The following CFAP77 variants were observed in gnomAD, a reference collection of about 807,000 sequenced individuals.
CFAP77 encodes the protein cilia- and flagella-associated protein 77.
A neutral mutation model predicts 31.1 loss-of-function variants in CFAP77; 25 were observed. The ratio of observed to expected loss-of-function variants is 0.80; its 90% CI spans 0.59 to 1.12. The LOEUF (loss-of-function observed/expected upper bound fraction) is 1.12. CFAP77 is among the 50% of genes most tolerant of loss of function. The pLI, the probability that CFAP77 is intolerant of heterozygous loss-of-function variation, is 0.00. For missense variants in CFAP77, 377 were observed against 397.3 expected, an observed-to-expected ratio of 0.95 and a Z score of 0.44; for synonymous variants, 151 against 159.9, an observed-to-expected ratio of 0.94 and a Z score of 0.42.
In CFAP77 at chr9:132,482,510, G is replaced by A; in HGVS notation, c.196-16185G>A. ...CTTCCGCACACCTACTGCGTGCTGGGCACCCGTGGCGCTTCACCTCCATGG... is the reference window on the plus strand; with the variant it reads ...CTTCCGCACACCTACTGCGTGCTGGACACCCGTGGCGCTTCACCTCCATGG... On this transcript the variant is annotated intron_variant, in intron 1 of 5. Transcript: ENST00000393216. 6 of 892,088 alleles carry A rather than the reference G, an allele frequency of 6.7e-6. No individual in the cohort carries two copies. The South Asian group carries it at 6.9e-5, about 10-fold the overall frequency. The allele number at this position is 892,088 out of a possible 1,614,324, so 55.3% of individuals were successfully genotyped here. A position where few individuals can be genotyped will look rare whatever the true frequency, so the allele number is the denominator to read the frequency against.
In CFAP77 at chr9:132,517,816, GC is replaced by G. The variant is rs1852174353; in HGVS notation, c.524+18217del. On this transcript the variant is annotated intron_variant, in intron 3 of 5. Coordinates refer to ENST00000393216, the MANE Select transcript of CFAP77 (RefSeq NM_001282957.2). The surrounding 1 kb of genome is among the most constrained non-coding windows in gnomAD (Gnocchi z 4.7). ...GCAAATGATAATTTCCATTTCCCCT[GC>G]ACATCCCCTGTGCCTGCATCGGAGA... 6.6e-6 allele frequency among the ~76,000 whole-genome samples: 1 copy of G among 152,184 alleles called. No individual in the cohort carries two copies.
At chr9:132,528,564 C>G (rs527392006) in intron 3 of CFAP77, among the ~76,000 whole-genome samples, 1 of 143,712 alleles carries the variant, frequency 7.0e-6, no homozygotes, top group Admixed American at 6.9e-5. Context: ...TCAGAGTGAA[C>G]AGGCAACCTA....
Position 132,554,101 on chromosome 9 carries a change from C to T in CFAP77, c.732+11054C>T, listed in dbSNP as rs1304336920. Among the ~76,000 whole-genome samples the T allele has an allele frequency of 6.6e-6, 1 of 152,180 alleles. No individual in the cohort carries two copies. The highest frequency in any genetic ancestry group is 1.5e-5 in the Non-Finnish European group (1 of 68,042). On this transcript the variant is annotated intron_variant, in intron 5 of 5. Transcript: ENST00000393216. This position sits in a 1 kb window ranked among gnomAD's most constrained non-coding sequence, Gnocchi z 4.1. ...TGAGAAACTGAGGCCCCTGGTCACA[C>T]AGCTGGAAAGCGATAGGACCAGGAT...
At chr9:132,541,979 C>A (rs1852651739) in intron 4 of CFAP77, among the ~76,000 whole-genome samples, 1 of 152,164 alleles carries the variant, frequency 6.6e-6, no homozygotes, top group Non-Finnish European at 1.5e-5. Context: ...AACCCCAGGG[C>A]AGATCCATGT....
chr9:132,446,862 C>T (rs1479086042), intron 1 of CFAP77, among the ~76,000 whole-genome samples: 4 of 151,944 alleles, frequency 2.6e-5, no homozygotes, highest in Admixed American at 2.6e-4. Flanking sequence ...TTCCCAGCAG[C>T]CCTGTGAGAT....
chr9:132,448,038 A>T (rs552720803), intron 1 of CFAP77, among the ~76,000 whole-genome samples: 1 of 152,154 alleles, frequency 6.6e-6, no homozygotes, highest in East Asian at 1.9e-4. Flanking sequence ...ATTAGATGAC[A>T]ACTTGGAGGT....
chr9:132,519,642 A>AGATGGATGGATG (rs1170866405), intron 3 of CFAP77, among the ~76,000 whole-genome samples: 1 of 41,602 alleles, frequency 2.4e-5, no homozygotes, highest in African/African-American at 1.1e-4. Context: ...GTGGATGGGC[A>AGATGGATGGATG]GATGGATGGA....
intron 5 of CFAP77, among the ~76,000 whole-genome samples, chr9:132,546,939 G>A (rs1852742496): frequency 6.6e-6 from 1 of 152,262 alleles, no homozygotes; most frequent in Non-Finnish European, 1.5e-5. Context: ...TGGCCCAGGA[G>A]CCATGTGGGA....
rs1554750948 is a variant in CFAP77 at position 132,554,924 on chromosome 9, GCATC to G, written c.732+11888_732+11891del. Among the ~76,000 whole-genome samples, 1,099 of 138,888 alleles carry G rather than the reference GCATC, an allele frequency of 7.9e-3. 17 individuals are homozygous for G. The highest frequency in any genetic ancestry group is 0.029 in the African/African-American group (1,041 of 35,378). 91.1% of individuals were successfully genotyped at this position (138,888 alleles called of 152,430 possible). ...TCCATCCATCTATGCATGCATGCAT[GCATC>G]CATCCATCCACCCATCCATCCATCC... On this transcript the variant is annotated intron_variant, in intron 5 of 5. Transcript: ENST00000393216. The surrounding 1 kb of genome is among the most constrained non-coding windows in gnomAD (Gnocchi z 4.1).
In CFAP77 at chr9:132,517,151, G is replaced by T. The variant is rs1442604347; in HGVS notation, c.524+17551G>T. Among the ~76,000 whole-genome samples the T allele has an allele frequency of 6.6e-6, 1 of 152,020 alleles. No homozygotes were observed. Among genetic ancestry groups the T allele is most frequent in the East Asian group, 1.9e-4 (1 of 5,172 alleles). ...TGTCGATTTCGTATCGTGGAGAGAA[G>T]CCCAGCCCTCCAGCCTTCTCCCTCC... On this transcript the variant is annotated intron_variant, in intron 3 of 5. Coordinates refer to ENST00000393216, the MANE Select transcript of CFAP77 (RefSeq NM_001282957.2). This position sits in a 1 kb window ranked among gnomAD's most constrained non-coding sequence, Gnocchi z 4.7.
intron 3 of CFAP77, among the ~76,000 whole-genome samples, chr9:132,530,739 G>A (rs902908997): frequency 1.2e-4 from 18 of 152,118 alleles, no homozygotes; most frequent in African/African-American, 3.6e-4. Context: ...CCTCTGAACC[G>A]GATCTCCCAC....
intron 1 of CFAP77, among the ~76,000 whole-genome samples, chr9:132,496,253 C>T (rs1851741595): frequency 6.6e-6 from 1 of 152,078 alleles, no homozygotes; most frequent in African/African-American, 2.4e-5. Flanking sequence ...CCTTGTGGGG[C>T]ACACAGGCTC....
chr9:132,445,820 G>C (rs1291294850), intron 1 of CFAP77, among the ~76,000 whole-genome samples: 1 of 146,890 alleles, frequency 6.8e-6, no homozygotes, highest in Non-Finnish European at 1.5e-5. Flanking sequence ...AGTGAGCCGA[G>C]ATTGCACCAC....
In CFAP77 at chr9:132,555,639, A is replaced by T. The variant is rs143904950; in HGVS notation, c.732+12592A>T. On this transcript the variant is annotated intron_variant, in intron 5 of 5. Coordinates refer to ENST00000393216, the MANE Select transcript of CFAP77 (RefSeq NM_001282957.2). ...GTAAAATTTGGAGCTCTGGAATTTG[A>T]TGCTCACCAGGGAGCTGGTGTCTCC... Among the ~76,000 whole-genome samples the T allele has an allele frequency of 2.1e-3, 314 of 152,296 alleles. 2 individuals are homozygous for T. Among genetic ancestry groups the T allele is most frequent in the African/African-American group, 6.9e-3 (285 of 41,574 alleles).
At chr9:132,476,690 A>G (rs1486614361) in intron 1 of CFAP77, among the ~76,000 whole-genome samples, 1 of 152,106 alleles carries the variant, frequency 6.6e-6, no homozygotes, top group African/African-American at 2.4e-5. Context: ...TGAGGCACAG[A>G]GACACACAGG....
At chr9:132,516,417 T>C (rs1398183444) in intron 3 of CFAP77, among the ~76,000 whole-genome samples, 1 of 152,056 alleles carries the variant, frequency 6.6e-6, no homozygotes, top group East Asian at 1.9e-4. Context: ...TCCTGTCTAG[T>C]AGGTTTCTTG....
At chr9:132,439,180 A>G (rs1356295319) in intron 1 of CFAP77, among the ~76,000 whole-genome samples, 1 of 151,976 alleles carries the variant, frequency 6.6e-6, no homozygotes, top group African/African-American at 2.4e-5. Flanking sequence ...CCGGCAGTCA[A>G]TATTCTTAAA....
chr9:132,493,402 T>C (rs1589884757), intron 1 of CFAP77, among the ~76,000 whole-genome samples: 1 of 152,196 alleles, frequency 6.6e-6, no homozygotes, highest in Non-Finnish European at 1.5e-5. Flanking sequence ...AAAATAGTCA[T>C]TGTGTTGTTG....
intron 1 of CFAP77, among the ~76,000 whole-genome samples, chr9:132,415,511 C>T (rs1265304673): frequency 2.0e-5 from 3 of 152,190 alleles, no homozygotes; most frequent in Non-Finnish European, 2.9e-5. Flanking sequence ...GGCTTTGAAG[C>T]GTTAATTAAG....
Sources: gnomAD v4.1 joint callset for allele counts (sites outside exome capture counted in the v4.1 genomes callset) on GRCh38, gnomAD v4.1.1 for gene constraint, Gnocchi (gnomAD v3.1) non-coding constraint, MANE v1.5 for transcripts, NCBI Gene and HGNC (gene_info 2026-07-23, HGNC 2026-07-21) for gene names.